The following POLN variants were observed in gnomAD, a reference collection of about 807,000 sequenced individuals.
POLN encodes DNA polymerase nu.
Under a neutral mutation model 113.5 loss-of-function variants are expected in POLN, and 108 were observed. The ratio of observed to expected loss-of-function variants is 0.95; its 90% confidence interval spans 0.81 to 1.12. The LOEUF (loss-of-function observed/expected upper bound fraction) is 1.12, where lower values mean the gene tolerates loss of function less well. Ranked by LOEUF, POLN falls within the 50% of genes most tolerant of loss-of-function variation. The probability of loss-of-function intolerance (pLI) is 0.00; values close to 1 mark genes in which losing one functional copy is unlikely to be tolerated. For synonymous variants in POLN, 386 were observed against 391.5 expected, an observed-to-expected ratio of 0.99 and a Z score of 0.17; for missense variants, 1,097 against 1,077.1, an observed-to-expected ratio of 1.02 and a Z score of -0.26.
At chr4:2,188,677 T>C (rs1043865846) in intron 7 of POLN, among the ~76,000 whole-genome samples, 3 of 150,610 alleles carry the variant, frequency 2.0e-5, no homozygotes, top group Non-Finnish European at 4.4e-5. Context: ...ATTTGAAGGA[T>C]TGAAACCCAC....
At position 2,241,723 on chromosome 4, in the gene POLN, G is replaced by A. The variant is rs1414404688; in HGVS notation, c.-216C>T. On this transcript the variant is annotated 5_prime_UTR_variant, in exon 2 of 26. Coordinates refer to ENST00000511885, the MANE Select transcript of POLN (RefSeq NM_181808.4). The stretch of plus-strand genomic sequence containing the variant: ...CAGGGATCCGCGGCCCCAAGGCCGC[G>A]ATACACCAGACGCGCCAGCGGCAAA... 1 of 985,514 alleles carries A rather than the reference G, an allele frequency of 1.0e-6. No individual in the cohort carries two copies. Among genetic ancestry groups the A allele is most frequent in the Non-Finnish European group, 1.2e-6 (1 of 829,966 alleles). 61.0% of individuals were successfully genotyped at this position (985,514 alleles called of 1,614,324 possible). A position where few individuals can be genotyped will look rare whatever the true frequency, so the allele number is the denominator to read the frequency against.
chr4:2,072,152 G>T lies in POLN; in HGVS notation c.2665C>A (p.Pro889Thr). The T allele has an allele frequency of 6.2e-7, 1 of 1,612,694 alleles. No individual in the cohort carries two copies. Reference sequence around the variant, plus strand: ...GAAGGCGAAAAATGCAGGGGTGGGGGCTGGGTGCTGGCAGGGGACCCAGGG... The same window carrying T: ...GAAGGCGAAAAATGCAGGGGTGGGGTCTGGGTGCTGGCAGGGGACCCAGGG... ...AAPGSPASTQPPPLHFSPSFC... is the reference protein window; with the variant it reads ...AAPGSPASTQTPPLHFSPSFC... The change falls in exon 26 of 26, where the codon CCC (proline) becomes ACC (threonine). Residue 889 changes from proline (P) to threonine (T), a missense_variant. Pro to Thr is a conservative substitution (Grantham distance 38). Coordinates refer to ENST00000511885, the MANE Select transcript of POLN (RefSeq NM_181808.4).
chr4:2,165,979 G>A (rs1392432844), intron 13 of POLN, among the ~76,000 whole-genome samples: 1 of 152,060 alleles, frequency 6.6e-6, no homozygotes, highest in African/African-American at 2.4e-5. Flanking sequence ...GTCTCACTAT[G>A]TTGCCCAGGC....
intron 23 of POLN, chr4:2,078,466 T>G: frequency 1.5e-6 from 1 of 683,480 alleles, no homozygotes; most frequent in Non-Finnish European, 1.8e-6. Flanking sequence ...AGATGAATCT[T>G]CTTCTTCTTT....
chr4:2,081,687 C>A lies in POLN; in HGVS notation c.2254G>T (p.Asp752Tyr). 6.2e-7 allele frequency: 1 copy of A among 1,614,180 alleles called. No individual in the cohort carries two copies. Among genetic ancestry groups the A allele is most frequent in the South Asian group, 1.1e-5 (1 of 91,074 alleles). The change falls in exon 22 of 26, where the codon GAC (aspartate) becomes TAC (tyrosine). Residue 752 changes from aspartate (D) to tyrosine (Y), a missense_variant. Coordinates refer to ENST00000511885, the MANE Select transcript of POLN (RefSeq NM_181808.4). Reference sequence around the variant, plus strand: ...TCTGCTTGTGCCCGGAGTTGCTGGTCATGAGCGTGAATCCTTGGCAGGGGT... The same window carrying A: ...TCTGCTTGTGCCCGGAGTTGCTGGTAATGAGCGTGAATCCTTGGCAGGGGT... ...RRPLPRIHAH[D>Y]QQLRAQAERQ...
intron 16 of POLN, among the ~76,000 whole-genome samples, chr4:2,142,123 T>C (rs1397882521): frequency 6.6e-6 from 1 of 152,234 alleles, no homozygotes; most frequent in African/African-American, 2.4e-5. Context: ...GCTTTGAGTC[T>C]TGATATTTAA....
chr4:2,205,912 GCAA>G (rs1288929248), intron 5 of POLN, among the ~76,000 whole-genome samples: 4 of 150,978 alleles, frequency 2.6e-5, no homozygotes, highest in African/African-American at 7.3e-5. Flanking sequence ...TTCATATGGA[GCAA>G]CAACAACAAA....
chr4:2,238,515 A>T, intron 2 of POLN: 1 of 832,948 alleles, frequency 1.2e-6, no homozygotes, highest in Non-Finnish European at 1.7e-6. Flanking sequence ...GAATTGTTAA[A>T]AACTTCCAAA....
At chr4:2,163,035 A>C (rs1262214399) in intron 13 of POLN, among the ~76,000 whole-genome samples, 4 of 150,144 alleles carry the variant, frequency 2.7e-5, no homozygotes, top group Non-Finnish European at 5.9e-5. Context: ...ACCAAAAAAA[A>C]AAAAAAAAAA....
At chr4:2,085,959 T>A (rs1730540020) in intron 20 of POLN, among the ~76,000 whole-genome samples, 1 of 152,192 alleles carries the variant, frequency 6.6e-6, no homozygotes, top group South Asian at 2.1e-4. Context: ...ACTCAGTGCC[T>A]GCCAGGTGTT....
chr4:2,138,898 AAAAAG>A (rs565608160), intron 16 of POLN, among the ~76,000 whole-genome samples: 11 of 152,138 alleles, frequency 7.2e-5, no homozygotes, highest in South Asian at 4.1e-4. Context: ...TGTCTCAAAA[AAAAAG>A]AAAAGAAAAG....
At chr4:2,163,815 T>A (rs1259019119) in intron 13 of POLN, among the ~76,000 whole-genome samples, 1 of 152,198 alleles carries the variant, frequency 6.6e-6, no homozygotes, top group Non-Finnish European at 1.5e-5. Flanking sequence ...AGCTTCCAAG[T>A]GTGGATTCCC....
intron 2 of POLN, among the ~76,000 whole-genome samples, chr4:2,233,544 A>C (rs1051026320): frequency 6.6e-6 from 1 of 152,164 alleles, no homozygotes; most frequent in Non-Finnish European, 1.5e-5. Context: ...TCTCATCAAC[A>C]TTCCTGATAC....
intron 19 of POLN, among the ~76,000 whole-genome samples, chr4:2,100,894 T>C (rs111422314): frequency 0.022 from 3,412 of 152,232 alleles, 136 homozygotes; most frequent in African/African-American, 0.075. Flanking sequence ...TACACAAAAA[T>C]AAATTAGAAG....
At chr4:2,193,094 C>T in intron 7 of POLN, 110 bp downstream of exon 7, 2 of 784,780 alleles carry the variant, frequency 2.5e-6, no homozygotes, top group South Asian at 1.7e-5. Context: ...GTCTGTGTGG[C>T]CAGGTCCTCC....
chr4:2,230,636 C>T (rs1734547565), intron 2 of POLN: 2 of 151,848 alleles, frequency 1.3e-5, no homozygotes, highest in South Asian at 4.2e-4. Context: ...GTTCATCTGT[C>T]ATCTAGGTAT....
chr4:2,128,344 TG>T, intron 18 of POLN, 117 bp from the exon 19 acceptor site: 1 of 626,500 alleles, frequency 1.6e-6, no homozygotes, highest in Non-Finnish European at 2.8e-6. Context: ...TCCATGTCCC[TG>T]CCTCCCATCT....
chr4:2,194,209 C>A (rs1324440342), intron 6 of POLN, among the ~76,000 whole-genome samples: 1 of 152,174 alleles, frequency 6.6e-6, no homozygotes, highest in Non-Finnish European at 1.5e-5. Context: ...GGATCTGAGA[C>A]CATATCTTCC....
intron 16 of POLN, among the ~76,000 whole-genome samples, chr4:2,146,261 T>C (rs1215198965): frequency 6.6e-6 from 1 of 151,594 alleles, no homozygotes; most frequent in Admixed American, 6.6e-5. Context: ...ATCCCAGCAC[T>C]TTGGGCGGCC....
Sources: gnomAD v4.1 joint callset for allele counts (sites outside exome capture counted in the v4.1 genomes callset) on GRCh38, gnomAD v4.1.1 for gene constraint, MANE v1.5 for transcripts, NCBI Gene and HGNC (gene_info 2026-07-23, HGNC 2026-07-21) for gene names.